The following TENM3 variants were observed in gnomAD, a reference collection of about 807,000 sequenced individuals.
The protein encoded by TENM3 is teneurin-3.
A neutral mutation model predicts 255.1 loss-of-function variants in TENM3; 63 were observed. The ratio of observed to expected loss-of-function variants is 0.25; its 90% confidence interval spans 0.20 to 0.30. TENM3 has a LOEUF of 0.30. TENM3 is among the 10% of genes least tolerant of loss of function. The probability of loss-of-function intolerance (pLI) is 1.00; values close to 1 mark genes in which losing one functional copy is unlikely to be tolerated. For missense variants in TENM3, 2,929 were observed against 3,461.1 expected (o/e 0.85, Z 3.86); for synonymous variants, 1,306 against 1,322.3 (o/e 0.99, Z 0.27).
intron 1 of TENM3, among the ~76,000 whole-genome samples, chr4:182,210,290 T>C (rs994569997): frequency 6.6e-6 from 1 of 152,108 alleles, no homozygotes; most frequent in Non-Finnish European, 1.5e-5. Flanking sequence ...TTCCTTGAAT[T>C]CAGCACCTCA....
At chr4:181,918,358 C>T in the TENM3 span, among the ~76,000 whole-genome samples, 1 of 152,100 alleles carries the variant, frequency 6.6e-6, no homozygotes, top group Non-Finnish European at 1.5e-5. Flanking sequence ...GAAACTTTCT[C>T]AAAGCAGAAG....
chr4:181,537,160 G>A, the TENM3 span, among the ~76,000 whole-genome samples: 23,897 of 152,012 alleles, frequency 0.16, 2,188 homozygotes, highest in Admixed American at 0.3. Flanking sequence ...AAATACTGAG[G>A]CAGACTAAGG....
upstream of TENM3, among the ~76,000 whole-genome samples, chr4:182,240,279 G>A (rs1230171601): frequency 6.6e-6 from 1 of 152,074 alleles, no homozygotes; most frequent in Non-Finnish European, 1.5e-5. Context: ...GTCTTGTCAT[G>A]GACGTCCACT....
intron 23 of TENM3, 38 bp from the exon 24 acceptor site, chr4:182,774,880 T>C: frequency 6.9e-7 from 1 of 1,453,388 alleles, no homozygotes; most frequent in Non-Finnish European, 9.6e-7. Context: ...ATTTAATCCA[T>C]ATCTAATAGT....
the TENM3 span, among the ~76,000 whole-genome samples, chr4:182,126,951 A>C: frequency 6.6e-6 from 1 of 152,176 alleles, no homozygotes; most frequent in African/African-American, 2.4e-5. Context: ...CAAATCACCA[A>C]TCTACCTTTG....
intron 1 of TENM3, among the ~76,000 whole-genome samples, chr4:182,253,951 T>C (rs1758205672): frequency 6.6e-6 from 1 of 152,110 alleles, no homozygotes; most frequent in South Asian, 2.1e-4. Flanking sequence ...GCTTTAAAAC[T>C]GATGTATACA....
At chr4:182,523,147 G>A (rs922447073) in intron 3 of TENM3, among the ~76,000 whole-genome samples, 1 of 152,068 alleles carries the variant, frequency 6.6e-6, no homozygotes, top group East Asian at 1.9e-4. Context: ...ATAATTTGGC[G>A]GGTTTTGTTT....
intron 7 of TENM3, among the ~76,000 whole-genome samples, chr4:182,679,013 A>G (rs1190961308): frequency 6.6e-6 from 1 of 152,194 alleles, no homozygotes; most frequent in Non-Finnish European, 1.5e-5. Flanking sequence ...TTGAACAGTG[A>G]GGACACATGG....
rs1206722131 is a variant in TENM3, at chr4:182,361,789, T to C, written c.511+14860T>C. ...CTGCGTTCCTTTGGAGGAGGAGAGGTGCTCTGCTTTTTAGAGTTTCCAGTT... is the reference window on the plus strand; with the variant it reads ...CTGCGTTCCTTTGGAGGAGGAGAGGCGCTCTGCTTTTTAGAGTTTCCAGTT... On this transcript the variant is annotated intron_variant, in intron 3 of 27. Transcript: ENST00000511685. Among the ~76,000 whole-genome samples, 9 of 152,228 alleles carry C rather than the reference T, an allele frequency of 5.9e-5. No homozygotes were observed. The South Asian group carries it at 1.2e-3, about 21-fold the overall frequency.
the TENM3 span, among the ~76,000 whole-genome samples, chr4:181,482,007 A>T: frequency 1.3e-5 from 2 of 152,196 alleles, no homozygotes; most frequent in Non-Finnish European, 2.9e-5. Flanking sequence ...AGAAATGAAC[A>T]TCAGAACAAT....
At chr4:182,278,948 C>T (rs1760190424) in intron 1 of TENM3, among the ~76,000 whole-genome samples, 1 of 152,194 alleles carries the variant, frequency 6.6e-6, no homozygotes, top group African/African-American at 2.4e-5. Context: ...CTGGACAAGC[C>T]CGAGGGCTGC....
At chr4:181,576,612 C>G in the TENM3 span, among the ~76,000 whole-genome samples, 1 of 152,100 alleles carries the variant, frequency 6.6e-6, no homozygotes, top group East Asian at 1.9e-4. Context: ...CCCACACATT[C>G]TTTCCACAGA....
intron 16 of TENM3, among the ~76,000 whole-genome samples, chr4:182,731,658 A>C (rs1159584258): frequency 2.0e-5 from 3 of 150,572 alleles, no homozygotes; most frequent in African/African-American, 7.4e-5. Context: ...GCTATCTTTA[A>C]ATAATTCTAT....
the TENM3 span, among the ~76,000 whole-genome samples, chr4:181,477,629 T>A: frequency 3.9e-5 from 6 of 152,230 alleles, no homozygotes; most frequent in Admixed American, 6.5e-5. Flanking sequence ...GGTGCATTTT[T>A]TAAAAAAATA....
At chr4:181,680,683 T>C in the TENM3 span, among the ~76,000 whole-genome samples, 2 of 152,124 alleles carry the variant, frequency 1.3e-5, no homozygotes, top group African/African-American at 2.4e-5. Context: ...GTTGGTGCTT[T>C]TTTTCTGTAA....
At chr4:181,688,421 G>A in the TENM3 span, among the ~76,000 whole-genome samples, 4 of 152,198 alleles carry the variant, frequency 2.6e-5, no homozygotes, top group South Asian at 2.1e-4. Flanking sequence ...TGTGTAAGTC[G>A]TATCTTCAAA....
the TENM3 span, among the ~76,000 whole-genome samples, chr4:182,100,482 CAT>C: frequency 2.1e-4 from 25 of 121,318 alleles, no homozygotes; most frequent in South Asian, 7.6e-4. Context: ...CACACACACA[CAT>C]ATATATATAT....
At chr4:182,352,975 T>C (rs1184512060) in intron 3 of TENM3, among the ~76,000 whole-genome samples, 3 of 152,178 alleles carry the variant, frequency 2.0e-5, no homozygotes, top group African/African-American at 7.2e-5. Context: ...ATAGACGGAC[T>C]TGTAGCTCTT....
chr4:181,582,686 AG>A, the TENM3 span, among the ~76,000 whole-genome samples: 530 of 137,406 alleles, frequency 3.9e-3, 1 homozygote, highest in African/African-American at 0.013. Context: ...AAAAAAAAAA[AG>A]AAAGAAAGAA....
Sources: allele counts gnomAD v4.1 joint callset (sites outside exome capture counted in the v4.1 genomes callset), GRCh38; gene constraint gnomAD v4.1.1; transcripts MANE v1.5; gene names NCBI Gene and HGNC (gene_info 2026-07-23, HGNC 2026-07-21).